Variants in ETV6 observed in about 807,000 individuals in gnomAD.
The protein encoded by ETV6 is transcription factor ETV6.
Under a neutral mutation model 51.1 loss-of-function variants are expected in ETV6, and 16 were observed. The ratio of observed to expected loss-of-function variants is 0.31; its 90% CI spans 0.21 to 0.48. The LOEUF is 0.48. Ranked by LOEUF, ETV6 falls within the 20% of genes least tolerant of loss-of-function variation. ETV6 has a pLI of 0.99. For synonymous variants in ETV6, 240 were observed against 224.1 expected, an observed-to-expected ratio of 1.07 and a Z score of -0.64; for missense variants, 458 against 594.8, an observed-to-expected ratio of 0.77 and a Z score of 2.39.
intron 1 of ETV6, among the ~76,000 whole-genome samples, chr12:11,689,208 G>C (rs973517471): frequency 1.3e-5 from 2 of 152,136 alleles, no homozygotes; most frequent in African/African-American, 4.8e-5. Context: ...TTGAACCCCT[G>C]TGCTGGGGCT....
chr12:11,688,415 C>T (rs1054855739), intron 1 of ETV6, among the ~76,000 whole-genome samples: 1 of 152,324 alleles, frequency 6.6e-6, no homozygotes, highest in South Asian at 2.1e-4. Context: ...CTGATGCTTT[C>T]TGCTTCAGTC....
chr12:11,795,196 T>C (rs1020923141), intron 2 of ETV6, among the ~76,000 whole-genome samples: 1 of 152,250 alleles, frequency 6.6e-6, no homozygotes, highest in Non-Finnish European at 1.5e-5. Flanking sequence ...ATAATATTTA[T>C]AAAAATAAAG....
intron 5 of ETV6, among the ~76,000 whole-genome samples, chr12:11,879,518 C>G (rs373322999): frequency 5.6e-4 from 86 of 152,300 alleles, no homozygotes; most frequent in African/African-American, 1.9e-3. Context: ...GAAAATATTT[C>G]TCCTTAACCA....
chr12:11,852,449 A>C (rs1329188280), intron 3 of ETV6, among the ~76,000 whole-genome samples: 1 of 152,068 alleles, frequency 6.6e-6, no homozygotes, highest in East Asian at 1.9e-4. Flanking sequence ...CTCTAACCGG[A>C]CTTGTGAATT....
intron 2 of ETV6, among the ~76,000 whole-genome samples, chr12:11,829,392 G>A (rs534763022): frequency 3.8e-4 from 58 of 152,252 alleles, no homozygotes; most frequent in South Asian, 6.2e-4. Context: ...CCATCTTACC[G>A]CTGGAGAAAC....
In ETV6 at chr12:11,674,711, G is replaced by A. The variant is rs1591600587; in HGVS notation, c.33+24551G>A. Among the ~76,000 whole-genome samples the A allele has an allele frequency of 4.6e-5, 7 of 151,424 alleles. No individual in the cohort carries two copies. In the South Asian group the frequency reaches 1.5e-3, roughly 32 times the overall value. ...TGATTGTGCGACCCTGGGTGAGCCAGCTGCTTCCGCTGTTTTCCAGGAAAG... is the reference window on the plus strand; with the variant it reads ...TGATTGTGCGACCCTGGGTGAGCCAACTGCTTCCGCTGTTTTCCAGGAAAG... On this transcript the variant is annotated intron_variant, in intron 1 of 7. Coordinates refer to ENST00000396373, the MANE Select transcript of ETV6 (RefSeq NM_001987.5).
chr12:11,730,446 C>T (rs1433305391), intron 1 of ETV6, among the ~76,000 whole-genome samples: 1 of 152,234 alleles, frequency 6.6e-6, no homozygotes, highest in African/African-American at 2.4e-5. Flanking sequence ...GTAGTGTGCA[C>T]AAAGGTGCAA....
chr12:11,733,771 A>G (rs189066191), intron 1 of ETV6, among the ~76,000 whole-genome samples: 6 of 152,330 alleles, frequency 3.9e-5, no homozygotes, highest in African/African-American at 4.8e-5. Flanking sequence ...ATATACACAC[A>G]CCCACATACC....
chr12:11,867,341 C>G (rs545975708), intron 4 of ETV6, among the ~76,000 whole-genome samples: 1 of 152,134 alleles, frequency 6.6e-6, no homozygotes, highest in Non-Finnish European at 1.5e-5. Flanking sequence ...TATCAAGATA[C>G]TCCTCATTCC....
intron 2 of ETV6, among the ~76,000 whole-genome samples, chr12:11,821,717 G>A (rs773777752): frequency 6.6e-6 from 1 of 152,106 alleles, no homozygotes; most frequent in Non-Finnish European, 1.5e-5. Flanking sequence ...TGGCTCACTT[G>A]TAGTCCTAAC....
intron 1 of ETV6, among the ~76,000 whole-genome samples, chr12:11,666,018 G>C (rs1190556779): frequency 1.3e-5 from 2 of 152,134 alleles, no homozygotes; most frequent in Non-Finnish European, 2.9e-5. Flanking sequence ...GATGCCTCTT[G>C]GGTCAGGGAG....
At chr12:11,860,886 C>T (rs1946706603) in intron 4 of ETV6, among the ~76,000 whole-genome samples, 1 of 152,152 alleles carries the variant, frequency 6.6e-6, no homozygotes, top group African/African-American at 2.4e-5. Flanking sequence ...GTTTGTGCAC[C>T]TTATACGTAG....
At chr12:11,825,463 G>A (rs1029051849) in intron 2 of ETV6, among the ~76,000 whole-genome samples, 8 of 152,164 alleles carry the variant, frequency 5.3e-5, no homozygotes, top group African/African-American at 1.7e-4. Flanking sequence ...GCAAGCTTTC[G>A]CCTGCATCGC....
intron 2 of ETV6, among the ~76,000 whole-genome samples, chr12:11,777,117 G>GT (rs1022814696): frequency 5.3e-5 from 8 of 151,780 alleles, no homozygotes; most frequent in African/African-American, 1.9e-4. Context: ...GCAGGTGCCT[G>GT]TAGTCCCAGC....
At chr12:11,752,775 A>G in intron 2 of ETV6, 196 bp downstream of exon 2, 1 of 524,918 alleles carries the variant, frequency 1.9e-6, no homozygotes, top group East Asian at 3.2e-5. Flanking sequence ...CTTGTTTCTC[A>G]GTGTATTCAT....
intron 2 of ETV6, among the ~76,000 whole-genome samples, chr12:11,759,513 T>G (rs895021010): frequency 6.6e-6 from 1 of 152,314 alleles, no homozygotes; most frequent in Admixed American, 6.5e-5. Context: ...AGAGAACCCT[T>G]TAAAAAATAA....
chr12:11,717,834 A>G (rs2724616), intron 1 of ETV6, among the ~76,000 whole-genome samples: 97,257 of 151,926 alleles, frequency 0.64, 31,300 homozygotes, highest in Middle Eastern at 0.78. Context: ...CCTCCCACTC[A>G]GCCTGATCAG....
intron 1 of ETV6, among the ~76,000 whole-genome samples, chr12:11,691,018 G>A (rs965963735): frequency 7.9e-5 from 12 of 152,136 alleles, no homozygotes; most frequent in East Asian, 1.9e-4. Context: ...GATTCTTTCC[G>A]TCTGGAGGCT....
At chr12:11,842,407 T>TACACACACACACACACAC (rs6144615) in intron 3 of ETV6, among the ~76,000 whole-genome samples, 218 of 147,950 alleles carry the variant, frequency 1.5e-3, no homozygotes, top group South Asian at 3.6e-3. Context: ...TTGACACAGA[T>TACACACACACACACACAC]ACACACACAC....
Sources: gnomAD v4.1 joint callset for allele counts (sites outside exome capture counted in the v4.1 genomes callset) on GRCh38, gnomAD v4.1.1 for gene constraint, MANE v1.5 for transcripts, NCBI Gene and HGNC (gene_info 2026-07-23, HGNC 2026-07-21) for gene names.